Variants in SUSD1 observed in about 807,000 individuals in gnomAD.
SUSD1 encodes sushi domain containing 1, also known as sushi domain-containing protein 1.
SUSD1 carries 65 observed loss-of-function variants against 86.9 expected under a neutral mutation model. That is an observed-to-expected ratio of 0.75 (90% CI 0.61 to 0.92). The LOEUF is 0.92. Ranked by LOEUF, SUSD1 falls within the 40% of genes least tolerant of loss-of-function variation. The pLI, the probability that SUSD1 is intolerant of heterozygous loss-of-function variation, is 0.00. For synonymous variants in SUSD1, 346 were observed against 350.0 expected (o/e 0.99, Z 0.13); for missense variants, 850 against 929.7 (o/e 0.91, Z 1.11).
chr9:112,127,097 C>A (rs538101402), intron 5 of SUSD1, among the ~76,000 whole-genome samples: 56 of 152,314 alleles, frequency 3.7e-4, no homozygotes, highest in African/African-American at 1.3e-3. Flanking sequence ...GTTGGCCGGG[C>A]ACAGAGGCTC....
intron 6 of SUSD1, among the ~76,000 whole-genome samples, chr9:112,122,422 A>G (rs12686114): frequency 0.025 from 3,858 of 152,128 alleles, 140 homozygotes; most frequent in Admixed American, 0.08. Context: ...GGCCTCTCAA[A>G]GTGCTGGGAT....
chr9:112,160,757 A>G (rs915686745), intron 1 of SUSD1, among the ~76,000 whole-genome samples: 8 of 151,474 alleles, frequency 5.3e-5, no homozygotes, highest in African/African-American at 1.9e-4. Context: ...AATCCTAGAA[A>G]GGCCCAGGAA....
In SUSD1 at chr9:112,063,298, C is replaced by T. The variant is rs571941825; in HGVS notation, c.1754-265G>A. ...AAGAAGTTGCTGGGGGTGGAGGGGG[C>T]ATGTAGGGAATGGGAACATATTGCT... On this transcript the variant is annotated intron_variant, in intron 12 of 16. Coordinates refer to ENST00000374270, the MANE Select transcript of SUSD1 (RefSeq NM_022486.5). 2.6e-5 allele frequency among the ~76,000 whole-genome samples: 4 copies of T among 152,050 alleles called. No homozygotes were observed. In the East Asian group the frequency reaches 7.7e-4, roughly 29 times the overall value.
At chr9:112,070,835 A>G (rs891317533) in intron 12 of SUSD1, among the ~76,000 whole-genome samples, 6 of 152,214 alleles carry the variant, frequency 3.9e-5, no homozygotes, top group Non-Finnish European at 5.9e-5. Context: ...AGACCCAAAG[A>G]AATGCACCAG....
chr9:112,165,942 G>GAAAGAAAGAAAGAAAGAAAGAAAGA (rs11377595), intron 1 of SUSD1, among the ~76,000 whole-genome samples: 3 of 71,910 alleles, frequency 4.2e-5, no homozygotes, highest in Non-Finnish European at 2.7e-5. Context: ...AAGAAAGAAA[G>GAAAGAAAGAAAGAAAGAAAGAAAGA]AAGAAAGAAA....
intron 6 of SUSD1, 139 bp downstream of exon 6, chr9:112,124,118 A>G (rs2131686678): frequency 1.3e-6 from 1 of 758,816 alleles, no homozygotes; most frequent in South Asian, 3.5e-5. Flanking sequence ...TGACAAATCT[A>G]AAGCCAGGTG....
rs79105550 is a variant in SUSD1 at position 112,048,214 on chromosome 9, G to C, written c.2149+4185C>G. ...GCCTATCTGGATAATCTCCCTATTC[G>C]GGAGCTTAAGTACATCTCCAAAATC... On this transcript the variant is annotated intron_variant, in intron 15 of 16. Transcript: ENST00000374270. Among the ~76,000 whole-genome samples, 717 of 152,130 alleles carry C rather than the reference G, an allele frequency of 4.7e-3. 7 individuals carry two copies. Among genetic ancestry groups the C allele is most frequent in the African/African-American group, 0.016 (673 of 41,476 alleles).
rs35080542 is a variant in SUSD1, at chr9:112,052,136, A to G, written c.2149+263T>C. ...AAACAGAGAACTGAAACAAGAGAAAAATAGAAAGTCCCACTCACGGTGTTG... is the reference window on the plus strand; with the variant it reads ...AAACAGAGAACTGAAACAAGAGAAAGATAGAAAGTCCCACTCACGGTGTTG... On this transcript the variant is annotated intron_variant, in intron 15 of 16. Coordinates refer to ENST00000374270, the MANE Select transcript of SUSD1 (RefSeq NM_022486.5). 26,895 of 1,404,472 alleles carry G rather than the reference A, an allele frequency of 0.019. 3,720 individuals carry two copies. In the African/African-American group the frequency reaches 0.32, roughly 17 times the overall value. The allele number at this position is 1,404,472 out of a possible 1,614,324, so 87.0% of individuals were successfully genotyped here.
In SUSD1 at chr9:112,052,385, G is replaced by T. The variant is rs756570801; in HGVS notation, c.2149+14C>A. On this transcript the variant is annotated intron_variant, in intron 15 of 16. Coordinates refer to ENST00000374270, the MANE Select transcript of SUSD1 (RefSeq NM_022486.5). ...GAAATAAGGACAGCATTCATAGGCA[G>T]AAAATAATTTTACCTTTCACCTGAG... is the stretch of plus-strand genomic sequence containing the variant. 12 of 1,613,828 alleles carry T rather than the reference G, an allele frequency of 7.4e-6. No individual in the cohort carries two copies. Among genetic ancestry groups the T allele is most frequent in the Non-Finnish European group, 5.1e-6 (6 of 1,179,986 alleles).
chr9:112,154,534 A>C (rs976320250), intron 2 of SUSD1, among the ~76,000 whole-genome samples: 4 of 152,020 alleles, frequency 2.6e-5, no homozygotes, highest in African/African-American at 9.7e-5. Flanking sequence ...AACAAACAAA[A>C]AAAACTATCT....
chr9:112,075,024 A>C (rs745577839), intron 12 of SUSD1, among the ~76,000 whole-genome samples: 5 of 152,176 alleles, frequency 3.3e-5, no homozygotes, highest in Non-Finnish European at 7.3e-5. Context: ...ATCAAGATGA[A>C]ACCCCCTCCC....
intron 9 of SUSD1, 105 bp from the exon 10 acceptor site, chr9:112,098,767 A>G: frequency 9.7e-7 from 1 of 1,036,214 alleles, no homozygotes; most frequent in Non-Finnish European, 1.4e-6. Flanking sequence ...CCTTTTATTT[A>G]TCCTTGCCCA....
chr9:112,156,554 G>A (rs974189185), intron 2 of SUSD1, among the ~76,000 whole-genome samples: 1 of 151,976 alleles, frequency 6.6e-6, no homozygotes, highest in Non-Finnish European at 1.5e-5. Flanking sequence ...GTACAGGCAT[G>A]TGCCACCACA....
rs982814617 is a variant in SUSD1 at position 112,111,689 on chromosome 9, C to T, written c.1136G>A (p.Arg379His). 37 of 1,613,908 alleles carry T rather than the reference C, an allele frequency of 2.3e-5. No homozygotes were observed. Among genetic ancestry groups the T allele is most frequent in the East Asian group, 4.5e-5 (2 of 44,890 alleles). Residue 379 changes from arginine (R) to histidine (H), a missense_variant, in exon 8 of 17, where the codon CGC (arginine) becomes CAC (histidine). Arg to His is a conservative substitution (Grantham distance 29, BLOSUM62 0). Transcript: ENST00000374270. Reference protein sequence around the residue: ...TVNISTAPPRRSMPAVIGFQT... With the variant: ...TVNISTAPPRHSMPAVIGFQT... ...GAAACCGATGACGGCTGGCATCGAG[C>T]GCCTGGGAGGTGCTGTGGAGATGTT...
intron 8 of SUSD1, among the ~76,000 whole-genome samples, chr9:112,108,727 G>A (rs1830950390): frequency 7.2e-6 from 1 of 139,700 alleles, no homozygotes; most frequent in South Asian, 2.4e-4. Context: ...GCTGTGAGCT[G>A]TGATTGTACT....
chr9:112,085,984 G>A (rs988002507), intron 10 of SUSD1, among the ~76,000 whole-genome samples: 2 of 151,826 alleles, frequency 1.3e-5, no homozygotes, highest in African/African-American at 2.4e-5. Context: ...ATCATAAAAG[G>A]AAAATAGAAA....
chr9:112,057,006 T>G (rs1013623259), intron 14 of SUSD1, among the ~76,000 whole-genome samples: 1 of 152,134 alleles, frequency 6.6e-6, no homozygotes, highest in Non-Finnish European at 1.5e-5. Flanking sequence ...TAACCTACAA[T>G]GTGATGGTAT....
Position 112,143,594 on chromosome 9 carries a change from AC to A in SUSD1, c.402del (p.Cys135AlafsTer8). 1 of 1,613,966 alleles carries A rather than the reference AC, an allele frequency of 6.2e-7. No individual in the cohort carries two copies. The highest frequency in any genetic ancestry group is 8.5e-7 in the Non-Finnish European group (1 of 1,179,944). On this transcript the variant is annotated frameshift_variant, in exon 4 of 17. Transcript: ENST00000374270. LOFTEE classifies it high-confidence loss of function. ...TDIDECEVSG[L>X]CRHGGRCVNT... ...TTCACGCATCGCCCTCCATGCCTGC[AC>A]AGGCCAGAAACTTCACACTCATCTA...
At chr9:112,077,064 G>C (rs763946695) in intron 12 of SUSD1, among the ~76,000 whole-genome samples, 1 of 152,206 alleles carries the variant, frequency 6.6e-6, no homozygotes, top group Non-Finnish European at 1.5e-5. Context: ...AGGCAAAGTA[G>C]CTGAAGACAA....
Sources: allele counts gnomAD v4.1 joint callset (sites outside exome capture counted in the v4.1 genomes callset), GRCh38; gene constraint gnomAD v4.1.1; transcripts MANE v1.5; gene names NCBI Gene and HGNC (gene_info 2026-07-23, HGNC 2026-07-21).